GSTA4: variants seen among roughly 807,000 people sequenced by gnomAD.
GSTA4 encodes glutathione S-transferase alpha 4, also known as glutathione S-transferase A4.
In GSTA4, 15 loss-of-function variants were observed where a neutral mutation model predicts 24.4. The observed-to-expected ratio is 0.61, with a 90% confidence interval of 0.41 to 0.95. GSTA4 has a LOEUF of 0.95. Ranked by LOEUF, GSTA4 falls within the 40% of genes least tolerant of loss-of-function variation. GSTA4 has a pLI of 0.00. For missense variants in GSTA4, 244 were observed against 262.1 expected (o/e 0.93, Z 0.48); for synonymous variants, 92 against 94.2 (o/e 0.98, Z 0.13).
At position 52,985,056 on chromosome 6, in the gene GSTA4, T is replaced by C. The variant is rs543113133; in HGVS notation, c.272+395A>G. Among the ~76,000 whole-genome samples the C allele has an allele frequency of 5.5e-4, 83 of 152,278 alleles. 1 individual carries two copies. Among genetic ancestry groups the C allele is most frequent in the Admixed American group, 1.3e-3 (20 of 15,292 alleles). The stretch of plus-strand genomic sequence containing the variant: ...TACCCACGTTGCCCAGGGTCATACA[T>C]CTAAGGGGTGCAAGGACCAGGCTTT... On this transcript the variant is annotated intron_variant, in intron 4 of 6. Coordinates refer to ENST00000370963, the MANE Select transcript of GSTA4 (RefSeq NM_001512.4).
chr6:52,984,971 A>G (rs1763525452), intron 4 of GSTA4, among the ~76,000 whole-genome samples: 1 of 152,174 alleles, frequency 6.6e-6, no homozygotes, highest in South Asian at 2.1e-4. Context: ...ATGGTGCTAA[A>G]CACTCTCTAT....
Position 52,982,559 on chromosome 6 carries a change from C to G in GSTA4, c.546+15G>C, listed in dbSNP as rs778913541. 1 of 1,599,590 alleles carries G rather than the reference C, an allele frequency of 6.3e-7. No homozygotes were observed. Among genetic ancestry groups the G allele is most frequent in the Admixed American group, 1.7e-5 (1 of 58,304 alleles). On this transcript the variant is annotated intron_variant, in intron 6 of 6. Transcript: ENST00000370963. ...AGAGTTCTAGGCCAATCTTCTAATA[C>G]ATAGTTTTATTTACCTGGAGGAAAG...
In GSTA4 at chr6:52,978,326, T is replaced by C; in HGVS notation, c.*144A>G. On this transcript the variant is annotated 3_prime_UTR_variant, in exon 7 of 7. Transcript: ENST00000370963. The stretch of plus-strand genomic sequence containing the variant: ...AAAAGGTTGATATTTCTAGAAGAGA[T>C]GATCTCGTTGACACAAAAGACCCAA... 1 of 759,548 alleles carries C rather than the reference T, an allele frequency of 1.3e-6. No homozygotes were observed. 47.1% of individuals were successfully genotyped at this position (759,548 alleles called of 1,614,324 possible). A position where few individuals can be genotyped will look rare whatever the true frequency, so the allele number is the denominator to read the frequency against.
chr6:52,991,859 C>G (rs767691647), intron 2 of GSTA4, among the ~76,000 whole-genome samples: 4 of 150,104 alleles, frequency 2.7e-5, no homozygotes, highest in Non-Finnish European at 5.9e-5. Context: ...CCAGTTCAAG[C>G]GATTCTCCTG....
At chr6:52,982,740 C>G (rs781306185) in intron 5 of GSTA4, 35 bp from the exon 6 acceptor site, 4 of 1,565,182 alleles carry the variant, frequency 2.6e-6, no homozygotes, top group Admixed American at 1.7e-5. Context: ...TTACAATATT[C>G]CACATGGAGA....
chr6:52,987,351 A>G lies in GSTA4; in HGVS notation c.139+6T>C. 1 of 1,568,166 alleles carries G rather than the reference A, an allele frequency of 6.4e-7. No individual in the cohort carries two copies. Among genetic ancestry groups the G allele is most frequent in the Non-Finnish European group, 8.7e-7 (1 of 1,144,058 alleles). On this transcript the variant is annotated splice_donor_region_variant and intron_variant, in intron 3 of 6. Coordinates refer to ENST00000370963, the MANE Select transcript of GSTA4 (RefSeq NM_001512.4). ...TTAGAGGCAGTTGTTTCATTTTCAT[A>G]CTCACCATCCTGCAACTTGTACAAC...
In GSTA4 at chr6:52,984,458, A is replaced by T. The variant is rs1230438140; in HGVS notation, c.414+6T>A. 7 of 1,610,812 alleles carry T rather than the reference A, an allele frequency of 4.3e-6. No individual in the cohort carries two copies. The highest frequency in any genetic ancestry group is 5.9e-6 in the Non-Finnish European group (7 of 1,179,026). On this transcript the variant is annotated splice_donor_region_variant and intron_variant, in intron 5 of 6. Coordinates refer to ENST00000370963, the MANE Select transcript of GSTA4 (RefSeq NM_001512.4). ...CTCTGTGTATGTAGGCATCTCTGCC[A>T]CCTACCTTTTCAAACACAGGAAAGT...
chr6:52,979,380 T>C (rs186440698), intron 6 of GSTA4, among the ~76,000 whole-genome samples: 18 of 152,356 alleles, frequency 1.2e-4, no homozygotes, highest in African/African-American at 4.1e-4. Context: ...TTTACTCCTA[T>C]CAGTAAGTGA....
At chr6:52,984,699 T>A (rs1195662726) in intron 4 of GSTA4, 94 bp from the exon 5 acceptor site, 51 of 994,746 alleles carry the variant, frequency 5.1e-5, no homozygotes, top group East Asian at 1.3e-4. Context: ...TTTTTTTTTT[T>A]AAAGATGCTG....
At chr6:52,985,862 C>T (rs905397546) in intron 3 of GSTA4, among the ~76,000 whole-genome samples, 9 of 151,992 alleles carry the variant, frequency 5.9e-5, no homozygotes, top group Non-Finnish European at 1.3e-4. Flanking sequence ...ACCAGCCTGG[C>T]CAACATAGTG....
chr6:52,990,363 C>T (rs1295992640), intron 2 of GSTA4, among the ~76,000 whole-genome samples: 2 of 152,180 alleles, frequency 1.3e-5, no homozygotes, highest in African/African-American at 2.4e-5. Flanking sequence ...TGGTCCCTCC[C>T]GACTGTCTCA....
intron 2 of GSTA4, chr6:52,987,915 C>G (rs1459721863): frequency 6.6e-6 from 1 of 152,350 alleles, no homozygotes; most frequent in Non-Finnish European, 1.5e-5. Context: ...CAAATATGTA[C>G]ATTATGCATC....
chr6:52,994,472 T>TCCAG lies in GSTA4; in HGVS notation c.-18-212_-18-211insCTGG, dbSNP rs1400563165. Reference sequence around the variant, plus strand: ...TTGGCTTTTATATGATTTCTATTTATGACTTCTTATCCTGGATCTTGGGAA... The same window carrying TCCAG: ...TTGGCTTTTATATGATTTCTATTTATCCAGGACTTCTTATCCTGGATCTTGGGAA... On this transcript the variant is annotated intron_variant, in intron 1 of 6. Coordinates refer to ENST00000370963, the MANE Select transcript of GSTA4 (RefSeq NM_001512.4). 6.1e-5 allele frequency: 31 copies of TCCAG among 504,504 alleles called. No individual in the cohort carries two copies. The South Asian group carries it at 8.0e-4, about 13-fold the overall frequency. 31.3% of individuals were successfully genotyped at this position (504,504 alleles called of 1,614,324 possible). A position where few individuals can be genotyped will look rare whatever the true frequency, so the allele number is the denominator to read the frequency against.
chr6:52,986,631 C>A (rs763462692), intron 3 of GSTA4, among the ~76,000 whole-genome samples: 1 of 152,216 alleles, frequency 6.6e-6, no homozygotes, highest in Non-Finnish European at 1.5e-5. Flanking sequence ...AGGGTTTGAG[C>A]ATTCGGAGCA....
Position 52,983,539 on chromosome 6 carries a change from C to T in GSTA4, c.415-834G>A, listed in dbSNP as rs148324597. ...GAGGCCAGAGTTCCAACCCTGCTCTCCATTTTCTGGCCATGTTACCTTGGA... is the reference window on the plus strand; with the variant it reads ...GAGGCCAGAGTTCCAACCCTGCTCTTCATTTTCTGGCCATGTTACCTTGGA... On this transcript the variant is annotated intron_variant, in intron 5 of 6. Transcript: ENST00000370963. 2.2e-3 allele frequency among the ~76,000 whole-genome samples: 331 copies of T among 152,312 alleles called. 1 individual carries two copies. The highest frequency in any genetic ancestry group is 3.6e-3 in the Non-Finnish European group (246 of 68,038).
In GSTA4 at chr6:52,987,157, C is replaced by G. The variant is rs564910451; in HGVS notation, c.139+200G>C. 6.6e-5 allele frequency among the ~76,000 whole-genome samples: 10 copies of G among 152,210 alleles called. No homozygotes were observed. The East Asian group carries it at 1.9e-3, about 29-fold the overall frequency. ...GGGATGTGGAAGGAACTGCTCACCC[C>G]CTTCGGCCAGCTTTTATGGAACTAT... On this transcript the variant is annotated intron_variant, in intron 3 of 6. Coordinates refer to ENST00000370963, the MANE Select transcript of GSTA4 (RefSeq NM_001512.4).
Position 52,985,442 on chromosome 6 carries a change from C to T in GSTA4, c.272+9G>A, listed in dbSNP as rs1412998262. On this transcript the variant is annotated intron_variant, in intron 4 of 6. Coordinates refer to ENST00000370963, the MANE Select transcript of GSTA4 (RefSeq NM_001512.4). Reference sequence around the variant, plus strand: ...GACAAGTGACAACACTCGAGAGGGGCCACAGTACAGGGTTCTCTCCTTGAG... The same window carrying T: ...GACAAGTGACAACACTCGAGAGGGGTCACAGTACAGGGTTCTCTCCTTGAG... 3 of 1,611,902 alleles carry T rather than the reference C, an allele frequency of 1.9e-6. No individual in the cohort carries two copies. Among genetic ancestry groups the T allele is most frequent in the African/African-American group, 1.3e-5 (1 of 74,926 alleles).
intron 5 of GSTA4, among the ~76,000 whole-genome samples, chr6:52,984,203 G>T (rs922082840): frequency 6.6e-6 from 1 of 152,222 alleles, no homozygotes; most frequent in Non-Finnish European, 1.5e-5. Context: ...CTTGGTGAAT[G>T]CAAGGAACAA....
intron 3 of GSTA4, among the ~76,000 whole-genome samples, chr6:52,986,445 T>C (rs953983775): frequency 1.3e-5 from 2 of 152,216 alleles, no homozygotes; most frequent in African/African-American, 4.8e-5. Flanking sequence ...GTATACTCTT[T>C]GGCTCATGTA....
Sources: gnomAD v4.1 joint callset for allele counts (sites outside exome capture counted in the v4.1 genomes callset) on GRCh38, gnomAD v4.1.1 for gene constraint, MANE v1.5 for transcripts, NCBI Gene and HGNC (gene_info 2026-07-23, HGNC 2026-07-21) for gene names.